The following NGLY1 variants were observed in gnomAD, a reference collection of about 807,000 sequenced individuals.
NGLY1 encodes the protein N-glycanase 1, also known as peptide-N(4)-(N-acetyl-beta-glucosaminyl)asparagine amidase.
A neutral mutation model predicts 84.6 loss-of-function variants in NGLY1; 68 were observed. The ratio of observed to expected loss-of-function variants is 0.80; its 90% CI spans 0.66 to 0.98. The LOEUF (loss-of-function observed/expected upper bound fraction) is 0.98. Ranked by LOEUF, NGLY1 falls within the 50% of genes least tolerant of loss-of-function variation. The pLI, the probability that NGLY1 is intolerant of heterozygous loss-of-function variation, is 0.00. For missense variants in NGLY1, 779 were observed against 770.2 expected, an observed-to-expected ratio of 1.01 and a Z score of -0.14; for synonymous variants, 280 against 275.2, an observed-to-expected ratio of 1.02 and a Z score of -0.17.
At chr3:25,736,967 G>A in intron 6 of NGLY1, 1 of 172,126 alleles carries the variant, frequency 5.8e-6, no homozygotes, top group South Asian at 1.8e-4. Flanking sequence ...AATGTTTCCA[G>A]CATAAAGACA....
Position 25,739,651 on chromosome 3 carries a change from A to T in NGLY1, c.807T>A (p.Asp269Glu), listed in dbSNP as rs764370236. 1 of 1,614,132 alleles carries T rather than the reference A, an allele frequency of 6.2e-7. No homozygotes were observed. The highest frequency in any genetic ancestry group is 8.5e-7 in the Non-Finnish European group (1 of 1,180,016). Residue 269 changes from aspartate to glutamate, a missense_variant, in exon 5 of 12, where the codon GAT (aspartate) becomes GAA (glutamate). Physicochemically the swap from Asp to Glu is conservative, Grantham distance 45 (BLOSUM62 2). Transcript: ENST00000280700. ...SRDRSLLPSD[D>E]ELKWGAKEVE... ...CTTCCTTTGCACCCCACTTCAGCTCATCATCACTGGGCAGTAATGATCTAT... is the reference window on the plus strand; with the variant it reads ...CTTCCTTTGCACCCCACTTCAGCTCTTCATCACTGGGCAGTAATGATCTAT...
intron 5 of NGLY1, among the ~76,000 whole-genome samples, chr3:25,738,954 C>T (rs1213704261): frequency 6.6e-6 from 1 of 151,938 alleles, no homozygotes; most frequent in East Asian, 1.9e-4. Context: ...TTTAAAATGT[C>T]CTTAGTTTAA....
intron 5 of NGLY1, among the ~76,000 whole-genome samples, chr3:25,738,002 G>A (rs1705930692): frequency 6.6e-6 from 1 of 152,206 alleles, no homozygotes; most frequent in Non-Finnish European, 1.5e-5. Context: ...ATGGCAGAAT[G>A]TGATCAAACA....
intron 2 of NGLY1, among the ~76,000 whole-genome samples, chr3:25,764,874 C>T (rs543533198): frequency 1.3e-5 from 2 of 152,260 alleles, no homozygotes; most frequent in African/African-American, 4.8e-5. Context: ...ACGAAAAGTA[C>T]ACCCTGATAG....
At chr3:25,747,323 C>T (rs1347443420) in intron 4 of NGLY1, among the ~76,000 whole-genome samples, 1 of 152,102 alleles carries the variant, frequency 6.6e-6, no homozygotes, top group Non-Finnish European at 1.5e-5. Context: ...CCTGTATAAT[C>T]ACATATTAAT....
At chr3:25,724,971 T>A (rs1369014675) in intron 10 of NGLY1, among the ~76,000 whole-genome samples, 1 of 152,216 alleles carries the variant, frequency 6.6e-6, no homozygotes, top group East Asian at 1.9e-4. Flanking sequence ...AAATATACTC[T>A]AATCTCCCCA....
chr3:25,788,605 T>C (rs1245346399), intron 1 of NGLY1, among the ~76,000 whole-genome samples: 18 of 152,290 alleles, frequency 1.2e-4, no homozygotes, highest in East Asian at 1.2e-3. Context: ...ACAAAAGAAA[T>C]AGCACATTAA....
At chr3:25,752,728 C>A (rs367862783) in intron 3 of NGLY1, among the ~76,000 whole-genome samples, 2 of 151,640 alleles carry the variant, frequency 1.3e-5, no homozygotes, top group Non-Finnish European at 2.9e-5. Flanking sequence ...GTGGGTAGAT[C>A]GTTTGAGCCC....
At position 25,719,348 on chromosome 3, in the gene NGLY1, A is replaced by G. The variant is rs1022557505; in HGVS notation, c.*112T>C. On this transcript the variant is annotated 3_prime_UTR_variant, in exon 12 of 12. Coordinates refer to ENST00000280700, the MANE Select transcript of NGLY1 (RefSeq NM_018297.4). ...GAGGGTTACATGATGGATAGCTAGCAAAAGAAATATGCTAGCACAGGGTGG... is the reference window on the plus strand; with the variant it reads ...GAGGGTTACATGATGGATAGCTAGCGAAAGAAATATGCTAGCACAGGGTGG... 9.2e-6 allele frequency: 7 copies of G among 760,640 alleles called. No homozygotes were observed. The African/African-American group carries it at 1.2e-4, about 13-fold the overall frequency. The allele number at this position is 760,640 out of a possible 1,614,324, so 47.1% of individuals were successfully genotyped here.
intron 10 of NGLY1, among the ~76,000 whole-genome samples, chr3:25,723,630 GAAAA>G (rs914515329): frequency 7.0e-6 from 1 of 142,676 alleles, no homozygotes; most frequent in Non-Finnish European, 1.5e-5. Flanking sequence ...TATTTAAAAG[GAAAA>G]AAAAAAGCAA....
intron 4 of NGLY1, among the ~76,000 whole-genome samples, chr3:25,742,884 CAAAAAAAAA>C (rs34669504): frequency 1.6e-5 from 1 of 63,314 alleles, no homozygotes; most frequent in Non-Finnish European, 2.8e-5. Flanking sequence ...CCTTATGTGG[CAAAAAAAAA>C]AAAAAAAAAA....
chr3:25,726,416 A>C (rs969610765), intron 10 of NGLY1, among the ~76,000 whole-genome samples: 34 of 152,332 alleles, frequency 2.2e-4, no homozygotes, highest in African/African-American at 7.9e-4. Context: ...TATTTGTTGA[A>C]TACATGTCAT....
chr3:25,757,978 G>C (rs1325873138), intron 3 of NGLY1, among the ~76,000 whole-genome samples: 1 of 152,154 alleles, frequency 6.6e-6, no homozygotes, highest in African/African-American at 2.4e-5. Context: ...AATGTACTGG[G>C]TTAAGTGGAA....
Position 25,739,604 on chromosome 3 carries a change from G to T in NGLY1, c.854C>A (p.Ala285Asp), listed in dbSNP as rs1354557048. The T allele has an allele frequency of 6.2e-7, 1 of 1,614,016 alleles. No individual in the cohort carries two copies. ...TGGGAATCGATTGCTGAACTGGCAG[G>T]CATCACAGTAATGATCTTCCACTTC... ...AKEVEDHYCD[A>D]CQFSNRFPRY... Residue 285 changes from alanine to aspartate, a missense_variant, in exon 5 of 12, where the codon GCC (alanine) becomes GAC (aspartate). Coordinates refer to ENST00000280700, the MANE Select transcript of NGLY1 (RefSeq NM_018297.4).
rs1705686393 is a variant in NGLY1, at chr3:25,733,954, C to G, written c.1178G>C (p.Cys393Ser). The G allele has an allele frequency of 6.2e-7, 1 of 1,613,636 alleles. No individual in the cohort carries two copies. The change falls in exon 8 of 12, where the codon TGC (cysteine) becomes TCC (serine). Residue 393 changes from cysteine to serine, a missense_variant. Cys to Ser is a moderately radical substitution (Grantham distance 112). Transcript: ENST00000280700. ...EVVDVTWRYSCKHEEVIARRT... is the reference protein window; with the variant it reads ...EVVDVTWRYSSKHEEVIARRT... ...TCTGGCAATCACCTCTTCATGTTTG[C>G]AGGAATATCGCCAAGTGACATCAAC...
At chr3:25,737,862 A>G (rs991732918) in intron 5 of NGLY1, among the ~76,000 whole-genome samples, 4 of 152,186 alleles carry the variant, frequency 2.6e-5, no homozygotes, top group Non-Finnish European at 5.9e-5. Context: ...GTTTTTAAAT[A>G]TTTATTTAGA....
rs1233147812 is a variant in NGLY1, at chr3:25,750,952, T to C, written c.658+146A>G. ...GTATATGGGTTTTGCATCCTGTGAA[T>C]CCACGTTTGGTTTAAAAGAATCCAC... On this transcript the variant is annotated intron_variant, in intron 4 of 11. Transcript: ENST00000280700. 7 of 745,640 alleles carry C rather than the reference T, an allele frequency of 9.4e-6. No homozygotes were observed. In the East Asian group the frequency reaches 2.0e-4, roughly 22 times the overall value. 46.2% of individuals were successfully genotyped at this position (745,640 alleles called of 1,614,324 possible).
chr3:25,778,372 G>T, intron 2 of NGLY1: 1 of 406,898 alleles, frequency 2.5e-6, no homozygotes, highest in Non-Finnish European at 4.5e-6. Context: ...ATTTCTCTGT[G>T]GAGCGTTGTT....
At chr3:25,753,406 GTTA>G (rs1330945408) in intron 3 of NGLY1, among the ~76,000 whole-genome samples, 2 of 90,516 alleles carry the variant, frequency 2.2e-5, no homozygotes, top group Non-Finnish European at 6.4e-5. Context: ...TATTAGGAAA[GTTA>G]TTATAGCCAA....
Sources: allele counts gnomAD v4.1 joint callset (sites outside exome capture counted in the v4.1 genomes callset), GRCh38; gene constraint gnomAD v4.1.1; transcripts MANE v1.5; gene names NCBI Gene and HGNC (gene_info 2026-07-23, HGNC 2026-07-21).